The following GALNT2 variants were observed in gnomAD, a reference collection of about 807,000 sequenced individuals.
GALNT2 encodes the protein UDP-GalNAc:polypeptide N-acetylgalactosaminyltransferase 2.
In GALNT2, 31 loss-of-function variants were observed where a neutral mutation model predicts 81.4. That is an observed-to-expected ratio of 0.38 (90% CI 0.29 to 0.51). The LOEUF is 0.51. Among genes scored for constraint, GALNT2 ranks in the 20% least tolerant of loss-of-function variants. The pLI, the probability that GALNT2 is intolerant of heterozygous loss-of-function variation, is 0.87. For synonymous variants in GALNT2, 303 were observed against 287.4 expected, an observed-to-expected ratio of 1.05 and a Z score of -0.55; for missense variants, 629 against 765.7, an observed-to-expected ratio of 0.82 and a Z score of 2.11.
At chr1:230,246,217 C>A in intron 8 of GALNT2, 67 bp downstream of exon 8, 2 of 1,178,492 alleles carry the variant, frequency 1.7e-6, no homozygotes, top group Non-Finnish European at 2.6e-6. Context: ...TCACCACTCC[C>A]TCTCATTGTC....
intron 1 of GALNT2, among the ~76,000 whole-genome samples, chr1:230,058,332 G>T (rs1015393448): frequency 5.9e-5 from 9 of 152,170 alleles, no homozygotes; most frequent in Admixed American, 5.2e-4. Flanking sequence ...CAGCGGGGAA[G>T]GTGGGAACAA....
At position 230,265,352 on chromosome 1, in the gene GALNT2, T is replaced by C. The variant is rs966565679; in HGVS notation, c.1425T>C (p.Asn475=). The C allele has an allele frequency of 1.2e-6, 2 of 1,614,090 alleles. No homozygotes were observed. The highest frequency in any genetic ancestry group is 2.7e-5 in the African/African-American group (2 of 74,924). ...DGVVGVYECH[N]AGGNQEWALT... Reference sequence around the variant, plus strand: ...TGGTTGGAGTTTATGAATGTCACAATGCTGGGGGAAACCAGGTATGTGCAT... The same window carrying C: ...TGGTTGGAGTTTATGAATGTCACAACGCTGGGGGAAACCAGGTATGTGCAT... The change falls in exon 14 of 16, where the codon AAT becomes AAC. Residue 475 remains asparagine, a synonymous_variant. Coordinates refer to ENST00000366672, the MANE Select transcript of GALNT2 (RefSeq NM_004481.5).
chr1:230,160,725 A>C (rs928108733), intron 1 of GALNT2, among the ~76,000 whole-genome samples: 28 of 148,118 alleles, frequency 1.9e-4, no homozygotes, highest in Non-Finnish European at 2.6e-4. Flanking sequence ...AAAAAAAAAC[A>C]CGAAACTTTC....
intron 1 of GALNT2, among the ~76,000 whole-genome samples, chr1:230,118,870 A>G (rs1660930279): frequency 2.0e-5 from 3 of 152,320 alleles, no homozygotes; most frequent in African/African-American, 4.8e-5. Flanking sequence ...ACTCAATAGT[A>G]TAATGAACTC....
At chr1:230,185,301 T>TGTGCGCGTGC (rs58770415) in intron 2 of GALNT2, among the ~76,000 whole-genome samples, 1 of 126,012 alleles carries the variant, frequency 7.9e-6, no homozygotes, top group Non-Finnish European at 1.8e-5. Flanking sequence ...TGTGTGTGTG[T>TGTGCGCGTGC]GCGCGCGTGT....
intron 2 of GALNT2, among the ~76,000 whole-genome samples, chr1:230,191,855 A>G (rs913838441): frequency 6.6e-6 from 1 of 152,230 alleles, no homozygotes; most frequent in Non-Finnish European, 1.5e-5. Context: ...CCCCACCAAC[A>G]GTTCTCGCTG....
intron 1 of GALNT2, among the ~76,000 whole-genome samples, chr1:230,081,622 A>G (rs1440819819): frequency 6.6e-6 from 1 of 152,212 alleles, no homozygotes; most frequent in African/African-American, 2.4e-5. Context: ...CAATGCAACA[A>G]AGCCCCCCTG....
At chr1:230,218,066 G>T (rs2102719750) in intron 3 of GALNT2, among the ~76,000 whole-genome samples, 1 of 152,222 alleles carries the variant, frequency 6.6e-6, no homozygotes, top group South Asian at 2.1e-4. Context: ...TACTGGGGGT[G>T]GGGTGGGAAA....
intron 7 of GALNT2, among the ~76,000 whole-genome samples, chr1:230,245,289 TC>T (rs1355587319): frequency 6.6e-6 from 1 of 151,762 alleles, no homozygotes; most frequent in East Asian, 1.9e-4. Context: ...CATGGAGAAA[TC>T]CCATCTCTAC....
chr1:230,104,834 G>A (rs1360741996), intron 1 of GALNT2, among the ~76,000 whole-genome samples: 1 of 152,204 alleles, frequency 6.6e-6, no homozygotes, highest in Admixed American at 6.5e-5. Flanking sequence ...AAGGCACCTG[G>A]GCCCTTGCCA....
intron 2 of GALNT2, among the ~76,000 whole-genome samples, chr1:230,198,901 C>T (rs1350363767): frequency 1.3e-5 from 2 of 152,102 alleles, no homozygotes; most frequent in African/African-American, 4.8e-5. Context: ...TCTTTCTTTT[C>T]TCATGTTATT....
At chr1:230,225,153 T>C (rs1558148531) in intron 3 of GALNT2, among the ~76,000 whole-genome samples, 4 of 152,246 alleles carry the variant, frequency 2.6e-5, no homozygotes, top group Admixed American at 1.3e-4. Flanking sequence ...TGGAATATTA[T>C]GCCATTATGA....
At chr1:230,143,070 C>G (rs1661798647) in intron 1 of GALNT2, among the ~76,000 whole-genome samples, 1 of 152,144 alleles carries the variant, frequency 6.6e-6, no homozygotes, top group African/African-American at 2.4e-5. Flanking sequence ...CATGTCTGAG[C>G]AGCTGGTGAA....
In GALNT2 at chr1:230,128,276, T is replaced by TGTGTGTGTGTGTGTGG. The variant is rs1665241896; in HGVS notation, c.127-49941_127-49940insTGTGTGTGTGTGTGGG. Among the ~76,000 whole-genome samples the TGTGTGTGTGTGTGTGG allele has an allele frequency of 2.6e-5, 4 of 151,744 alleles. No homozygotes were observed. The South Asian group carries it at 8.4e-4, about 32-fold the overall frequency. The stretch of plus-strand genomic sequence containing the variant: ...TGGAGAATGTGTGTGTGTGTGTGTG[T>TGTGTGTGTGTGTGTGG]GGTTATGAAGGAAAACAGGACCTTC... On this transcript the variant is annotated intron_variant, in intron 1 of 15. Coordinates refer to ENST00000366672, the MANE Select transcript of GALNT2 (RefSeq NM_004481.5).
chr1:230,110,714 G>GTTTTTTTTTTTTTTTTTT (rs113630188), intron 1 of GALNT2, among the ~76,000 whole-genome samples: 1 of 137,652 alleles, frequency 7.3e-6, no homozygotes, highest in African/African-American at 2.7e-5. Context: ...GTGCTTTTCT[G>GTTTTTTTTTTTTTTTTTT]TTTTTTTTTT....
chr1:230,250,109 C>G (rs1402718956), intron 9 of GALNT2, among the ~76,000 whole-genome samples: 5 of 152,176 alleles, frequency 3.3e-5, no homozygotes, highest in South Asian at 2.1e-4. Context: ...CGTAGCTACC[C>G]TATAAGGAAA....
chr1:230,159,518 G>A (rs1264855707), intron 1 of GALNT2, among the ~76,000 whole-genome samples: 3 of 152,206 alleles, frequency 2.0e-5, no homozygotes, highest in African/African-American at 7.2e-5. Context: ...AGGATCAGAT[G>A]TGTCATACTT....
At chr1:230,253,599 T>C (rs1665616332) in intron 10 of GALNT2, among the ~76,000 whole-genome samples, 1 of 152,248 alleles carries the variant, frequency 6.6e-6, no homozygotes, top group Non-Finnish European at 1.5e-5. Flanking sequence ...TACATAGTGA[T>C]GTTTTTAATA....
intron 7 of GALNT2, among the ~76,000 whole-genome samples, chr1:230,245,056 T>C (rs1665322745): frequency 6.6e-6 from 1 of 152,224 alleles, no homozygotes; most frequent in Non-Finnish European, 1.5e-5. Flanking sequence ...ATCCGTCATT[T>C]GAGCTTAAAG....
Sources: gnomAD v4.1 joint callset for allele counts (sites outside exome capture counted in the v4.1 genomes callset) on GRCh38, gnomAD v4.1.1 for gene constraint, MANE v1.5 for transcripts, NCBI Gene and HGNC (gene_info 2026-07-23, HGNC 2026-07-21) for gene names.